The following TEAD1 variants were observed in gnomAD, a reference collection of about 807,000 sequenced individuals.
TEAD1 encodes the protein transcriptional enhancer factor TEF-1.
In TEAD1, 9 loss-of-function variants were observed where a neutral mutation model predicts 54.9. The ratio of observed to expected loss-of-function variants is 0.16; its 90% CI spans 0.10 to 0.29. The LOEUF (loss-of-function observed/expected upper bound fraction) is 0.29. Ranked by LOEUF, TEAD1 falls within the 10% of genes least tolerant of loss-of-function variation. The probability of loss-of-function intolerance (pLI) is 1.00; values close to 1 mark genes in which losing one functional copy is unlikely to be tolerated. For synonymous variants in TEAD1, 200 were observed against 187.8 expected (o/e 1.07, Z -0.53); for missense variants, 387 against 535.9 (o/e 0.72, Z 2.74).
At chr11:12,789,825 G>C (rs565737270) in intron 3 of TEAD1, among the ~76,000 whole-genome samples, 13 of 152,340 alleles carry the variant, frequency 8.5e-5, no homozygotes, top group Admixed American at 8.5e-4. Flanking sequence ...AGTTGGGCCT[G>C]CCTGAGTCTC....
intron 3 of TEAD1, among the ~76,000 whole-genome samples, chr11:12,805,531 A>T (rs892138055): frequency 6.6e-6 from 1 of 152,198 alleles, no homozygotes; most frequent in Non-Finnish European, 1.5e-5. Flanking sequence ...TATAAAAATG[A>T]TCTCTGATGT....
In TEAD1 at chr11:12,937,502, G is replaced by T. The variant is rs1295214305; in HGVS notation, c.*280G>T. 3.4e-6 allele frequency: 1 copy of T among 295,034 alleles called. No individual in the cohort carries two copies. Among genetic ancestry groups the T allele is most frequent in the African/African-American group, 2.1e-5 (1 of 46,574 alleles). 18.3% of individuals were successfully genotyped at this position (295,034 alleles called of 1,614,324 possible). On this transcript the variant is annotated 3_prime_UTR_variant, in exon 13 of 13. Coordinates refer to ENST00000527636, the MANE Select transcript of TEAD1 (RefSeq NM_021961.6). ...AGATGTGCAGCCCACAATTCCTCGG[G>T]AAAGGTGAACCTGAACAACCCAAGT...
At chr11:12,675,248 G>T (rs1049754219) in intron 1 of TEAD1, among the ~76,000 whole-genome samples, 161 bp from the exon 2 acceptor site, 2 of 151,880 alleles carry the variant, frequency 1.3e-5, no homozygotes, top group African/African-American at 2.4e-5. Flanking sequence ...CCGCCTCGGA[G>T]CCCGGAGCCG....
chr11:12,694,404 C>CT (rs545388326), intron 2 of TEAD1, among the ~76,000 whole-genome samples: 6,310 of 144,864 alleles, frequency 0.044, 356 homozygotes, highest in African/African-American at 0.12. Flanking sequence ...ACAGGGTCCT[C>CT]TTTTTTTTTT....
intron 3 of TEAD1, among the ~76,000 whole-genome samples, chr11:12,857,961 C>T (rs1415873449): frequency 6.6e-6 from 1 of 152,130 alleles, no homozygotes; most frequent in Non-Finnish European, 1.5e-5. Context: ...TGGAGCAGGC[C>T]TGTAGTCCCA....
chr11:12,876,826 G>T (rs1460895154), intron 5 of TEAD1, among the ~76,000 whole-genome samples: 1 of 152,190 alleles, frequency 6.6e-6, no homozygotes, highest in Non-Finnish European at 1.5e-5. Context: ...TGATGTTGAT[G>T]GGGAATGGAG....
chr11:12,840,248 AAAAAAAAAAAAAAAG>A (rs932807504), intron 3 of TEAD1, among the ~76,000 whole-genome samples: 5 of 43,666 alleles, frequency 1.1e-4, no homozygotes, highest in Admixed American at 2.7e-4. Context: ...CTCTGCCTCA[AAAAAAAAAAAAAAAG>A]AAAAAAAAAA....
At chr11:12,688,470 A>G (rs903347134) in intron 2 of TEAD1, among the ~76,000 whole-genome samples, 1 of 152,178 alleles carries the variant, frequency 6.6e-6, no homozygotes, top group Non-Finnish European at 1.5e-5. Context: ...CTCTGTGCTC[A>G]TGACTTTCCC....
At chr11:12,793,158 C>T (rs111289560) in intron 3 of TEAD1, among the ~76,000 whole-genome samples, 31 of 151,784 alleles carry the variant, frequency 2.0e-4, no homozygotes, top group African/African-American at 6.8e-4. Flanking sequence ...GTTATTCAAC[C>T]GGTTGCCTAT....
intron 2 of TEAD1, among the ~76,000 whole-genome samples, chr11:12,690,118 G>A (rs1021379058): frequency 6.6e-6 from 1 of 151,818 alleles, no homozygotes; most frequent in Non-Finnish European, 1.5e-5. Context: ...GCGGCCGCCT[G>A]TAGTGCCAGC....
intron 3 of TEAD1, among the ~76,000 whole-genome samples, chr11:12,838,305 A>G (rs553039124): frequency 6.6e-6 from 1 of 152,288 alleles, no homozygotes; most frequent in Non-Finnish European, 1.5e-5. Flanking sequence ...AATAATGCTT[A>G]ATGTGGACGA....
At chr11:12,796,190 A>G (rs545890218) in intron 3 of TEAD1, among the ~76,000 whole-genome samples, 17 of 152,306 alleles carry the variant, frequency 1.1e-4, no homozygotes, top group African/African-American at 3.8e-4. Flanking sequence ...TACCTCTTAC[A>G]GATACTAAGT....
At chr11:12,735,671 G>C (rs1050931750) in intron 2 of TEAD1, among the ~76,000 whole-genome samples, 6 of 151,470 alleles carry the variant, frequency 4.0e-5, no homozygotes, top group Non-Finnish European at 7.4e-5. Flanking sequence ...TTAACCATGA[G>C]GCATGTATCC....
At chr11:12,721,540 A>G (rs1174935877) in intron 2 of TEAD1, among the ~76,000 whole-genome samples, 2 of 152,232 alleles carry the variant, frequency 1.3e-5, no homozygotes, top group African/African-American at 2.4e-5. Context: ...AATGCTGTAT[A>G]TAGTTGGATG....
At chr11:12,937,052 C>T in intron 12 of TEAD1, 57 bp from the exon 13 acceptor site, 1 of 1,208,522 alleles carries the variant, frequency 8.3e-7, no homozygotes, top group Non-Finnish European at 1.2e-6. Flanking sequence ...TCGTCATACA[C>T]AGATGGAATA....
intron 2 of TEAD1, among the ~76,000 whole-genome samples, chr11:12,704,135 G>T (rs1284563603): frequency 1.3e-5 from 2 of 152,170 alleles, no homozygotes; most frequent in South Asian, 2.1e-4. Flanking sequence ...CGTTGTGTTT[G>T]GTTTGTGTTG....
At chr11:12,692,270 G>T (rs148991867) in intron 2 of TEAD1, among the ~76,000 whole-genome samples, 1 of 152,096 alleles carries the variant, frequency 6.6e-6, no homozygotes, top group Non-Finnish European at 1.5e-5. Flanking sequence ...TTAAAGACAC[G>T]CTCTAATGCT....
intron 3 of TEAD1, among the ~76,000 whole-genome samples, chr11:12,847,888 A>G (rs1947189227): frequency 6.6e-6 from 1 of 152,024 alleles, no homozygotes; most frequent in Non-Finnish European, 1.5e-5. Context: ...GAGGAAGGTG[A>G]TTTTCTTGGT....
chr11:12,912,906 G>A (rs1948643024), intron 10 of TEAD1, among the ~76,000 whole-genome samples: 1 of 152,146 alleles, frequency 6.6e-6, no homozygotes, highest in Non-Finnish European at 1.5e-5. Flanking sequence ...AGAAAGCCCA[G>A]GTCAGGGGTC....
Sources: gnomAD v4.1 joint callset for allele counts (sites outside exome capture counted in the v4.1 genomes callset) on GRCh38, gnomAD v4.1.1 for gene constraint, MANE v1.5 for transcripts, NCBI Gene and HGNC (gene_info 2026-07-23, HGNC 2026-07-21) for gene names.